Variants in CACNA1C observed in about 807,000 individuals in gnomAD.
CACNA1C encodes calcium voltage-gated channel subunit alpha1 C, also known as voltage-dependent L-type calcium channel subunit alpha-1C.
Under a neutral mutation model 229.0 loss-of-function variants are expected in CACNA1C, and 30 were observed. The observed-to-expected ratio is 0.13, with a 90% CI of 0.10 to 0.18. The LOEUF (loss-of-function observed/expected upper bound fraction) is 0.18, where lower values mean the gene tolerates loss of function less well. CACNA1C is among the 10% of genes least tolerant of loss of function. CACNA1C has a pLI of 1.00. For missense variants in CACNA1C, 1,658 were observed against 2,845.0 expected (o/e 0.58, Z 9.49); for synonymous variants, 1,114 against 1,132.5 (o/e 0.98, Z 0.33).
At chr12:2,343,206 T>C (rs1368155695) in intron 3 of CACNA1C, among the ~76,000 whole-genome samples, 1 of 152,206 alleles carries the variant, frequency 6.6e-6, no homozygotes, top group Non-Finnish European at 1.5e-5. Context: ...GTACTGGTAA[T>C]CTGCCACAAA....
chr12:2,398,271 CCTT>C (rs1014477173), intron 3 of CACNA1C, among the ~76,000 whole-genome samples: 5 of 152,254 alleles, frequency 3.3e-5, no homozygotes, highest in African/African-American at 1.2e-4. Context: ...ATCCCTCACA[CCTT>C]CTTTGAGCTA....
intron 9 of CACNA1C, among the ~76,000 whole-genome samples, chr12:2,517,472 A>T (rs2099799566): frequency 6.6e-6 from 1 of 152,212 alleles, no homozygotes; most frequent in South Asian, 2.1e-4. Context: ...AAAAAAGAGG[A>T]CGTGATACTC....
chr12:2,115,915 A>T (rs1483242754), intron 2 of CACNA1C, among the ~76,000 whole-genome samples: 1 of 152,226 alleles, frequency 6.6e-6, no homozygotes, highest in Non-Finnish European at 1.5e-5. Flanking sequence ...TTGGGGTAAC[A>T]GTCGTTAGTT....
chr12:2,284,814 G>T (rs1329070319), intron 3 of CACNA1C, among the ~76,000 whole-genome samples: 1 of 152,204 alleles, frequency 6.6e-6, no homozygotes, highest in Non-Finnish European at 1.5e-5. Flanking sequence ...GCAGGGAAGG[G>T]ATGCCCGCTG....
intron 5 of CACNA1C, among the ~76,000 whole-genome samples, chr12:2,462,278 T>C (rs746375230): frequency 0.048 from 3,693 of 77,138 alleles, 51 homozygotes; most frequent in East Asian, 0.12. Flanking sequence ...GCCTGCACAC[T>C]TCCTCGGCAC....
chr12:2,413,087 G>C (rs1379083817), intron 3 of CACNA1C, among the ~76,000 whole-genome samples: 2 of 152,120 alleles, frequency 1.3e-5, no homozygotes. Flanking sequence ...GCGTGATCTC[G>C]GCTCACTGCA....
intron 3 of CACNA1C, among the ~76,000 whole-genome samples, chr12:2,149,715 C>T (rs2095056588): frequency 1.3e-5 from 2 of 152,080 alleles, no homozygotes; most frequent in African/African-American, 4.8e-5. Flanking sequence ...GAAGGTGGGA[C>T]CCAAATTTAA....
intron 8 of CACNA1C, among the ~76,000 whole-genome samples, chr12:2,507,597 A>G (rs1008161042): frequency 6.6e-6 from 1 of 152,244 alleles, no homozygotes; most frequent in South Asian, 2.1e-4. Context: ...TCACTGCTCC[A>G]TGAAATTGAC....
At chr12:2,514,093 A>C in intron 9 of CACNA1C, among the ~76,000 whole-genome samples, 1 of 152,216 alleles carries the variant, frequency 6.6e-6, no homozygotes, top group East Asian at 1.9e-4. Context: ...TCCACGAAGC[A>C]AACAGGTTAA....
chr12:2,260,132 G>A (rs952399482), intron 3 of CACNA1C, among the ~76,000 whole-genome samples: 1 of 152,160 alleles, frequency 6.6e-6, no homozygotes, highest in African/African-American at 2.4e-5. Context: ...CTAATTCCCT[G>A]CTGTGGGGGG....
At chr12:2,462,844 G>C (rs898440212) in intron 5 of CACNA1C, among the ~76,000 whole-genome samples, 1 of 152,006 alleles carries the variant, frequency 6.6e-6, no homozygotes, top group Non-Finnish European at 1.5e-5. Context: ...ACAACAAATA[G>C]GTTCATTGGG....
chr12:2,396,140 G>C (rs561653548), intron 3 of CACNA1C, among the ~76,000 whole-genome samples: 2 of 152,088 alleles, frequency 1.3e-5, no homozygotes, highest in Non-Finnish European at 2.9e-5. Context: ...CTCAGCCCCT[G>C]GGTCTGACAC....
chr12:2,370,990 C>A (rs1318106412), intron 3 of CACNA1C, among the ~76,000 whole-genome samples: 1 of 152,102 alleles, frequency 6.6e-6, no homozygotes, highest in Non-Finnish European at 1.5e-5. Context: ...TGAGGGACCC[C>A]AGGGGAACCA....
intron 5 of CACNA1C, among the ~76,000 whole-genome samples, chr12:2,472,652 C>T (rs1441365933): frequency 2.0e-5 from 3 of 152,088 alleles, no homozygotes; most frequent in Admixed American, 6.5e-5. Flanking sequence ...GTTTTCAAAT[C>T]GTTGTCTGCC....
At chr12:2,148,383 A>G (rs1043763860) in intron 3 of CACNA1C, among the ~76,000 whole-genome samples, 2 of 151,354 alleles carry the variant, frequency 1.3e-5, no homozygotes, top group Non-Finnish European at 3.0e-5. Context: ...GCAGATGGAA[A>G]TCCCTGCTGC....
At chr12:2,183,802 G>A (rs557176065) in intron 3 of CACNA1C, among the ~76,000 whole-genome samples, 1 of 152,390 alleles carries the variant, frequency 6.6e-6, no homozygotes, top group South Asian at 2.1e-4. Context: ...AGGTAGGGCA[G>A]TGGCTGAGGA....
chr12:2,412,190 C>G (rs997308899), intron 3 of CACNA1C, among the ~76,000 whole-genome samples: 1 of 152,212 alleles, frequency 6.6e-6, no homozygotes, highest in Non-Finnish European at 1.5e-5. Flanking sequence ...CAGCCCCAGC[C>G]CCACTGCAGG....
chr12:1,987,851 C>T (rs2038246725), intron 1 of CACNA1C, among the ~76,000 whole-genome samples: 1 of 152,086 alleles, frequency 6.6e-6, no homozygotes, highest in African/African-American at 2.4e-5. Context: ...ATTTTGTTTT[C>T]CCAGGAATTA....
chr12:2,673,516 G>A (rs921170556), intron 38 of CACNA1C, among the ~76,000 whole-genome samples: 9 of 151,996 alleles, frequency 5.9e-5, no homozygotes, highest in Middle Eastern at 3.4e-3. Context: ...GGTTTTGCAG[G>A]TCAGAAGTCC....
Sources: allele counts gnomAD v4.1 joint callset (sites outside exome capture counted in the v4.1 genomes callset), GRCh38; gene constraint gnomAD v4.1.1; transcripts MANE v1.5; gene names NCBI Gene and HGNC (gene_info 2026-07-23, HGNC 2026-07-21).